Variants in RIOK1 observed in about 807,000 individuals in gnomAD.
RIOK1 encodes serine/threonine-protein kinase RIO1.
RIOK1 carries 66 observed loss-of-function variants against 73.5 expected under a neutral mutation model. That is an observed-to-expected ratio of 0.90 (90% CI 0.74 to 1.10). The LOEUF is 1.10. Among genes scored for constraint, RIOK1 ranks in the 50% least tolerant of loss-of-function variants. RIOK1 has a pLI of 0.00. For synonymous variants in RIOK1, 224 were observed against 226.8 expected (o/e 0.99, Z 0.11); for missense variants, 658 against 699.8 (o/e 0.94, Z 0.67).
Position 7,404,932 on chromosome 6 carries a change from G to GC in RIOK1, c.1008dup (p.Val337ArgfsTer5). 6.2e-7 allele frequency: 1 copy of GC among 1,613,850 alleles called. No individual in the cohort carries two copies. Among genetic ancestry groups the GC allele is most frequent in the Non-Finnish European group, 8.5e-7 (1 of 1,179,762 alleles). ...CTGGCCCATAGGTACCACGGTGGAG[G>GC]CGTGTATATCATTGACGTGTCTCAG... On this transcript the variant is annotated frameshift_variant, in exon 11 of 17. Transcript: ENST00000379834. LOFTEE classifies it high-confidence loss of function.
At chr6:7,401,109 A>T in intron 6 of RIOK1, 59 bp downstream of exon 6, 3 of 1,109,424 alleles carry the variant, frequency 2.7e-6, no homozygotes, top group Non-Finnish European at 4.1e-6. Context: ...ACCAGATGAA[A>T]CTGGCACTTA....
Position 7,414,318 on chromosome 6 carries a change from C to T in RIOK1, c.1524C>T (p.Asp508=), listed in dbSNP as rs373044472. 2.5e-6 allele frequency: 4 copies of T among 1,613,848 alleles called. No homozygotes were observed. Among genetic ancestry groups the T allele is most frequent in the Non-Finnish European group, 3.4e-6 (4 of 1,179,816 alleles). Residue 508 remains aspartate, a synonymous_variant, in exon 16 of 17, where the codon GAC becomes GAT. Coordinates refer to ENST00000379834, the MANE Select transcript of RIOK1 (RefSeq NM_031480.3). ...SEDIGSSECS[D]TDSEEQGDHA... ...ATATTGGAAGCTCTGAGTGCTCTGA[C>T]ACAGACTCTGAAGAGCAGGGAGACC...
intron 16 of RIOK1, 46 bp from the exon 17 acceptor site, chr6:7,417,285 A>G (rs919900075): frequency 6.4e-6 from 8 of 1,246,936 alleles, no homozygotes; most frequent in Middle Eastern, 1.9e-4. Context: ...CAAAAAATGC[A>G]TACTCCAAAT....
At position 7,402,733 on chromosome 6, in the gene RIOK1, C is replaced by A; in HGVS notation, c.686+18C>A. On this transcript the variant is annotated intron_variant, in intron 7 of 16. Coordinates refer to ENST00000379834, the MANE Select transcript of RIOK1 (RefSeq NM_031480.3). ...GAATTCAGGTAAGTTCAGATTTTTC[C>A]CTCCAGTTGGTTTAATTTCTATTTC... is the stretch of plus-strand genomic sequence containing the variant. 1 of 1,604,562 alleles carries A rather than the reference C, an allele frequency of 6.2e-7. No individual in the cohort carries two copies. The highest frequency in any genetic ancestry group is 8.5e-7 in the Non-Finnish European group (1 of 1,175,330).
At chr6:7,397,324 T>G (rs1287921109) in intron 4 of RIOK1, among the ~76,000 whole-genome samples, 1 of 152,208 alleles carries the variant, frequency 6.6e-6, no homozygotes. Flanking sequence ...AAAAGTGTAA[T>G]CTCATGAAAT....
chr6:7,393,076 T>C (rs937091886), intron 1 of RIOK1, 23 bp from the exon 2 acceptor site: 2 of 1,600,284 alleles, frequency 1.2e-6, no homozygotes, highest in East Asian at 4.5e-5. Context: ...TGTTATGAAA[T>C]AATAAAACAT....
chr6:7,403,784 TTAAAA>T (rs1690259688), intron 8 of RIOK1, 152 bp from the exon 9 acceptor site: 1 of 483,796 alleles, frequency 2.1e-6, no homozygotes, highest in Non-Finnish European at 3.8e-6. Context: ...ATGGTGCCAC[TTAAAA>T]TAATCTTAGA....
chr6:7,407,335 G>GT (rs1217750300), intron 12 of RIOK1, among the ~76,000 whole-genome samples: 4 of 152,050 alleles, frequency 2.6e-5, no homozygotes, highest in Non-Finnish European at 5.9e-5. Context: ...CTATTATTTT[G>GT]TTTTTTGTTT....
chr6:7,392,516 C>CTT (rs762450615), intron 1 of RIOK1, among the ~76,000 whole-genome samples: 2 of 139,852 alleles, frequency 1.4e-5, no homozygotes, highest in Admixed American at 7.3e-5. Flanking sequence ...TGTCAGAAAG[C>CTT]TTTTTTTTTT....
Position 7,411,381 on chromosome 6 carries a change from A to T in RIOK1, c.1319A>T (p.Tyr440Phe), listed in dbSNP as rs746841853. The change falls in exon 14 of 17, where the codon TAT becomes TTT. Residue 440 changes from tyrosine (Y) to phenylalanine (F), a missense_variant. Coordinates refer to ENST00000379834, the MANE Select transcript of RIOK1 (RefSeq NM_031480.3). ...AGAACCTTGAATGAAGTGAAAAATT[A>T]TGAGAGGGATATGGACATAATTATG... ...IPRTLNEVKN[Y>F]ERDMDIIMKL... 24 of 1,613,878 alleles carry T rather than the reference A, an allele frequency of 1.5e-5. No individual in the cohort carries two copies. Among genetic ancestry groups the T allele is most frequent in the Non-Finnish European group, 2.0e-5 (24 of 1,179,884 alleles).
Position 7,396,707 on chromosome 6 carries a change from G to T in RIOK1, c.372G>T (p.Lys124Asn). The T allele has an allele frequency of 6.3e-7, 1 of 1,594,316 alleles. No homozygotes were observed. The highest frequency in any genetic ancestry group is 2.2e-5 in the East Asian group (1 of 44,654). Residue 124 changes from lysine (K) to asparagine (N), a missense_variant, in exon 4 of 17, where the codon AAG (lysine) becomes AAT (asparagine). Coordinates refer to ENST00000379834, the MANE Select transcript of RIOK1 (RefSeq NM_031480.3). ...TGTGGGTTTCTTGTATTTTAGATAAGCTAAATGTTACTGATTCCGTCATAA... is the reference window on the plus strand; with the variant it reads ...TGTGGGTTTCTTGTATTTTAGATAATCTAAATGTTACTGATTCCGTCATAA... ...RKFENKINLD[K>N]LNVTDSVINK...
Position 7,414,310 on chromosome 6 carries a change from T to C in RIOK1, c.1516T>C (p.Cys506Arg), listed in dbSNP as rs760258404. ...SDSEDIGSSE[C>R]SDTDSEEQGD... is the part of the protein sequence containing the mutation. ...TTCAGAAGATATTGGAAGCTCTGAG[T>C]GCTCTGACACAGACTCTGAAGAGCA... The change falls in exon 16 of 17, where the codon TGC becomes CGC. Residue 506 changes from cysteine to arginine, a missense_variant. Physicochemically the swap from Cys to Arg is radical, Grantham distance 180 (BLOSUM62 -3). Coordinates refer to ENST00000379834, the MANE Select transcript of RIOK1 (RefSeq NM_031480.3). 6.2e-7 allele frequency: 1 copy of C among 1,614,004 alleles called. No homozygotes were observed. Among genetic ancestry groups the C allele is most frequent in the Non-Finnish European group, 8.5e-7 (1 of 1,179,940 alleles).
intron 8 of RIOK1, among the ~76,000 whole-genome samples, chr6:7,403,301 C>T (rs916251487): frequency 4.6e-5 from 7 of 152,146 alleles, no homozygotes; most frequent in African/African-American, 1.2e-4. Context: ...TTGGAGTTTT[C>T]GACTAATCTT....
intron 5 of RIOK1, among the ~76,000 whole-genome samples, chr6:7,400,404 C>T (rs925908996): frequency 2.6e-5 from 4 of 152,116 alleles, no homozygotes; most frequent in African/African-American, 4.8e-5. Flanking sequence ...TGCCTGTCCA[C>T]GACGGTAGCC....
chr6:7,411,309 A>G (rs1561881157), intron 13 of RIOK1, 23 bp from the exon 14 acceptor site: 10 of 1,611,912 alleles, frequency 6.2e-6, no homozygotes, highest in Non-Finnish European at 7.6e-6. Context: ...AACAGTTTTG[A>G]TTTTGCTTTT....
Position 7,411,451 on chromosome 6 carries a change from T to C in RIOK1, c.1389T>C (p.Asn463=), listed in dbSNP as rs1761881318. 24 of 1,613,746 alleles carry C rather than the reference T, an allele frequency of 1.5e-5. No homozygotes were observed. The highest frequency in any genetic ancestry group is 2.2e-5 in the East Asian group (1 of 44,858). The change falls in exon 14 of 17, where the codon AAT becomes AAC. Residue 463 remains asparagine, a splice_region_variant and synonymous_variant. Transcript: ENST00000379834. ...TGGCCATGAATGCCCAACAAGATAATGTAAGTAGCTTGGTTTGTATATAGC... is the reference window on the plus strand; with the variant it reads ...TGGCCATGAATGCCCAACAAGATAACGTAAGTAGCTTGGTTTGTATATAGC... ...EDMAMNAQQD[N]ILYQTVTGLK...
chr6:7,401,479 G>T (rs1386276890), intron 6 of RIOK1, among the ~76,000 whole-genome samples: 1 of 152,012 alleles, frequency 6.6e-6, no homozygotes, highest in Non-Finnish European at 1.5e-5. Context: ...CTCTTACTGT[G>T]ATTTACTCAG....
At chr6:7,392,874 G>A in intron 1 of RIOK1, 1 of 975,340 alleles carries the variant, frequency 1.0e-6, no homozygotes, top group Non-Finnish European at 1.2e-6. Flanking sequence ...TGTGCTTCTT[G>A]AATAGTAGGC....
chr6:7,405,013 A>G lies in RIOK1; in HGVS notation c.1088A>G (p.Asn363Ser), dbSNP rs372827738. ...GAGTTCTTGAGAAAGGATTGCGCCA[A>G]CGTCAATGGTGAGTAGAAACGGCAA... Reference protein sequence around the residue: ...ALEFLRKDCANVNDFFMRHSV... With the variant: ...ALEFLRKDCASVNDFFMRHSV... The change falls in exon 11 of 17, where the codon AAC becomes AGC. Residue 363 changes from asparagine to serine, a missense_variant. By Grantham distance (46) the Asn-to-Ser change is conservative. Transcript: ENST00000379834. The G allele has an allele frequency of 3.7e-6, 6 of 1,613,690 alleles. No homozygotes were observed. The highest frequency in any genetic ancestry group is 1.1e-5 in the South Asian group (1 of 90,988).
Sources: gnomAD v4.1 joint callset for allele counts (sites outside exome capture counted in the v4.1 genomes callset) on GRCh38, gnomAD v4.1.1 for gene constraint, MANE v1.5 for transcripts, NCBI Gene and HGNC (gene_info 2026-07-23, HGNC 2026-07-21) for gene names.